Variants in FAM3C observed in about 807,000 individuals in gnomAD.
FAM3C encodes the protein FAM3 metabolism regulating signaling molecule C, also known as protein FAM3C.
In FAM3C, 15 loss-of-function variants were observed where a neutral mutation model predicts 32.5. That is an observed-to-expected ratio of 0.46 (90% confidence interval 0.31 to 0.71). FAM3C has a LOEUF of 0.71. Ranked by LOEUF, FAM3C falls within the 30% of genes least tolerant of loss-of-function variation. The pLI is 0.05. For missense variants in FAM3C, 175 were observed against 274.4 expected, an observed-to-expected ratio of 0.64 and a Z score of 2.56; for synonymous variants, 75 against 86.1, an observed-to-expected ratio of 0.87 and a Z score of 0.72.
chr7:121,371,375 T>C lies in FAM3C; in HGVS notation c.197A>G (p.Glu66Gly). Residue 66 changes from glutamate (E) to glycine (G), a missense_variant, in exon 5 of 10, where the codon GAG (glutamate) becomes GGG (glycine). Glu to Gly is a moderately conservative substitution (Grantham distance 98). Coordinates refer to ENST00000359943, the MANE Select transcript of FAM3C (RefSeq NM_014888.3). ...YKCGISKACP[E>G]KHFAFKMASG... is the part of the protein sequence containing the mutation. ...TGCCATTTTAAAAGCAAAATGCTTC[T>C]CAGGGCAAGCTTTTGAGATCCCACA... The C allele has an allele frequency of 6.2e-7, 1 of 1,614,008 alleles. No individual in the cohort carries two copies. Among genetic ancestry groups the C allele is most frequent in the Non-Finnish European group, 8.5e-7 (1 of 1,179,886 alleles).
chr7:121,375,338 T>C (rs577420527), intron 3 of FAM3C, among the ~76,000 whole-genome samples: 1 of 152,058 alleles, frequency 6.6e-6, no homozygotes, highest in Non-Finnish European at 1.5e-5. Flanking sequence ...AGGAGGGGAT[T>C]TGAAGCTGCA....
At chr7:121,391,608 G>A (rs1794578576) in intron 1 of FAM3C, among the ~76,000 whole-genome samples, 1 of 152,122 alleles carries the variant, frequency 6.6e-6, no homozygotes, top group African/African-American at 2.4e-5. Flanking sequence ...CTCTACTTAT[G>A]CTGTTTTGAA....
intron 2 of FAM3C, among the ~76,000 whole-genome samples, chr7:121,380,426 A>G (rs1294751154): frequency 6.6e-6 from 1 of 152,190 alleles, no homozygotes; most frequent in South Asian, 2.1e-4. Flanking sequence ...CATTACACTA[A>G]GCAAACTAAC....
At position 121,350,360 on chromosome 7, in the gene FAM3C, G is replaced by A; in HGVS notation, c.*101C>T. ...GAGACAATACTCATGCACACACCAA[G>A]ATGGCTGCATGCTCTTAAAATATTT... On this transcript the variant is annotated 3_prime_UTR_variant, in exon 10 of 10. Transcript: ENST00000359943. The A allele has an allele frequency of 6.8e-7, 1 of 1,469,130 alleles. No individual in the cohort carries two copies. Among genetic ancestry groups the A allele is most frequent in the Non-Finnish European group, 9.5e-7 (1 of 1,057,272 alleles). The allele number at this position is 1,469,130 out of a possible 1,614,324, so 91.0% of individuals were successfully genotyped here.
intron 8 of FAM3C, among the ~76,000 whole-genome samples, chr7:121,353,560 A>AT (rs1369293819): frequency 6.6e-6 from 1 of 152,202 alleles, no homozygotes; most frequent in Non-Finnish European, 1.5e-5. Context: ...TTCAAAACTG[A>AT]TAAGAATGGT....
chr7:121,360,864 C>T (rs1017013688), intron 7 of FAM3C, among the ~76,000 whole-genome samples: 5 of 151,488 alleles, frequency 3.3e-5, no homozygotes, highest in Non-Finnish European at 5.9e-5. Flanking sequence ...AAAAACGAAA[C>T]GAAAAAAAGC....
Position 121,351,178 on chromosome 7 carries a change from C to T in FAM3C, c.559G>A (p.Gly187Arg). 1 of 1,613,680 alleles carries T rather than the reference C, an allele frequency of 6.2e-7. No homozygotes were observed. Among genetic ancestry groups the T allele is most frequent in the East Asian group, 2.2e-5 (1 of 44,862 alleles). ...GGGCTTTTTGTCTTAATGCCCTTCC[C>T]ACCACAGAAGACCCAGTTGTCTCTA... ...GFRDNWVFCG[G>R]KGIKTKSPFE... Residue 187 changes from glycine (G) to arginine (R), a missense_variant, in exon 9 of 10, where the codon GGG (glycine) becomes AGG (arginine). Transcript: ENST00000359943.
intron 2 of FAM3C, among the ~76,000 whole-genome samples, chr7:121,379,548 C>G (rs1286018815): frequency 1.3e-5 from 2 of 152,060 alleles, no homozygotes; most frequent in Non-Finnish European, 2.9e-5. Flanking sequence ...ATCAACAAAG[C>G]CTTCCTCTTC....
At chr7:121,351,015 T>C in intron 9 of FAM3C, 128 bp downstream of exon 9, 1 of 899,832 alleles carries the variant, frequency 1.1e-6, no homozygotes, top group South Asian at 2.0e-5. Context: ...TTACCAAGAA[T>C]TTATGACAAA....
chr7:121,372,930 T>C (rs1333313305), intron 3 of FAM3C, among the ~76,000 whole-genome samples: 1 of 152,126 alleles, frequency 6.6e-6, no homozygotes, highest in Non-Finnish European at 1.5e-5. Context: ...ATACTCCAAC[T>C]AGTAAGCTGA....
intron 3 of FAM3C, among the ~76,000 whole-genome samples, chr7:121,373,976 A>G (rs1794194946): frequency 6.6e-6 from 1 of 150,746 alleles, no homozygotes; most frequent in Non-Finnish European, 1.5e-5. Flanking sequence ...AGCCTGGGCG[A>G]CAGAGCAAGA....
chr7:121,366,886 G>A (rs935550018), intron 5 of FAM3C, among the ~76,000 whole-genome samples: 1 of 152,172 alleles, frequency 6.6e-6, no homozygotes, highest in Admixed American at 6.5e-5. Context: ...AGTAACTGCT[G>A]TGATTAACGG....
intron 1 of FAM3C, among the ~76,000 whole-genome samples, chr7:121,393,657 G>T (rs189768601): frequency 3.2e-4 from 49 of 152,260 alleles, no homozygotes; most frequent in Non-Finnish European, 1.5e-4. Flanking sequence ...AGACTTAGGG[G>T]TATTACAACA....
intron 1 of FAM3C, among the ~76,000 whole-genome samples, chr7:121,393,866 G>A (rs1395052397): frequency 1.3e-5 from 2 of 152,180 alleles, no homozygotes; most frequent in African/African-American, 4.8e-5. Context: ...CAGAATCAAT[G>A]CTTCAAATCC....
At chr7:121,393,072 A>T (rs778339290) in intron 1 of FAM3C, among the ~76,000 whole-genome samples, 2 of 152,184 alleles carry the variant, frequency 1.3e-5, no homozygotes, top group Admixed American at 1.3e-4. Flanking sequence ...ACAACTGCTT[A>T]ATGAATATGG....
In FAM3C at chr7:121,350,329, T is replaced by C; in HGVS notation, c.*132A>G. On this transcript the variant is annotated 3_prime_UTR_variant, in exon 10 of 10. Transcript: ENST00000359943. Reference sequence around the variant, plus strand: ...ACGTTAGCAATAAATAATCCTGATATCAAAAGAGACAATACTCATGCACAC... The same window carrying C: ...ACGTTAGCAATAAATAATCCTGATACCAAAAGAGACAATACTCATGCACAC... 3 of 784,404 alleles carry C rather than the reference T, an allele frequency of 3.8e-6. No individual in the cohort carries two copies. The highest frequency in any genetic ancestry group is 6.2e-6 in the Non-Finnish European group (3 of 484,266). The allele number at this position is 784,404 out of a possible 1,614,324, so 48.6% of individuals were successfully genotyped here.
At position 121,360,038 on chromosome 7, in the gene FAM3C, C is replaced by G. The variant is rs1444827354; in HGVS notation, c.467+5G>C. 2.3e-6 allele frequency: 3 copies of G among 1,314,846 alleles called. No homozygotes were observed. Among genetic ancestry groups the G allele is most frequent in the Non-Finnish European group, 2.2e-6 (2 of 929,386 alleles). The allele number at this position is 1,314,846 out of a possible 1,614,324, so 81.4% of individuals were successfully genotyped here. The stretch of plus-strand genomic sequence containing the variant: ...GTTCCAAAAAGTTCTGTAAAGTTTA[C>G]ATACTTGGTTGCTCCATCATCGTAT... On this transcript the variant is annotated splice_donor_5th_base_variant and intron_variant, in intron 8 of 9. Transcript: ENST00000359943.
chr7:121,391,901 T>C (rs1395305132), intron 1 of FAM3C, among the ~76,000 whole-genome samples: 1 of 152,152 alleles, frequency 6.6e-6, no homozygotes, highest in East Asian at 1.9e-4. Flanking sequence ...AAATATGAAG[T>C]TACTTCTTAT....
At chr7:121,371,569 G>C in intron 4 of FAM3C, 146 bp from the exon 5 acceptor site, 1 of 894,594 alleles carries the variant, frequency 1.1e-6, no homozygotes, top group Non-Finnish European at 1.6e-6. Context: ...TTGTTCCCCT[G>C]AGGGTTTCAA....
Sources: gnomAD v4.1 joint callset for allele counts (sites outside exome capture counted in the v4.1 genomes callset) on GRCh38, gnomAD v4.1.1 for gene constraint, MANE v1.5 for transcripts, NCBI Gene and HGNC (gene_info 2026-07-23, HGNC 2026-07-21) for gene names.